The following ZNF407 variants were observed in gnomAD, a reference collection of about 807,000 sequenced individuals.
ZNF407 encodes zinc finger protein 407.
Under a neutral mutation model 131.2 loss-of-function variants are expected in ZNF407, and 17 were observed. That is an observed-to-expected ratio of 0.13 (90% CI 0.09 to 0.19). ZNF407 has a LOEUF of 0.19. ZNF407 is among the 10% of genes least tolerant of loss of function. The pLI is 1.00. For synonymous variants in ZNF407, 1,156 were observed against 1,062.0 expected, an observed-to-expected ratio of 1.09 and a Z score of -1.72; for missense variants, 2,681 against 2,830.6, an observed-to-expected ratio of 0.95 and a Z score of 1.20.
rs60316707 is a variant in ZNF407 at position 74,949,178 on chromosome 18, A to T, written c.5428+28486A>T. 1.0e-2 allele frequency among the ~76,000 whole-genome samples: 1,522 copies of T among 152,360 alleles called. 25 individuals carry two copies. Among genetic ancestry groups the T allele is most frequent in the African/African-American group, 0.034 (1,416 of 41,584 alleles). On this transcript the variant is annotated intron_variant, in intron 8 of 8. Transcript: ENST00000299687. ...AGGTACATTTCTTTCTGACAAACACACATTTGAAATAAATATTTATAATGA... is the reference window on the plus strand; with the variant it reads ...AGGTACATTTCTTTCTGACAAACACTCATTTGAAATAAATATTTATAATGA...
intron 8 of ZNF407, among the ~76,000 whole-genome samples, chr18:74,928,441 G>T (rs983702193): frequency 6.6e-6 from 1 of 152,144 alleles, no homozygotes; most frequent in Admixed American, 6.5e-5. Flanking sequence ...GACCTTAAAA[G>T]GTGTCAGACT....
At position 75,036,190 on chromosome 18, in the gene ZNF407, C is replaced by CT. The variant is rs1198609219; in HGVS notation, c.5429-26959dup. ...ATACTGAGAGTTCTGAAAACCCATT[C>CT]TAAGTTTTAGCAAGAGCTTTTCAAC... is the stretch of plus-strand genomic sequence containing the variant. On this transcript the variant is annotated intron_variant, in intron 8 of 8. Coordinates refer to ENST00000299687, the MANE Select transcript of ZNF407 (RefSeq NM_017757.3). Among the ~76,000 whole-genome samples, 3 of 152,150 alleles carry CT rather than the reference C, an allele frequency of 2.0e-5. No homozygotes were observed. The East Asian group carries it at 5.8e-4, about 29-fold the overall frequency.
chr18:74,921,122 G>A (rs1568270440), intron 8 of ZNF407: 2 of 641,414 alleles, frequency 3.1e-6, no homozygotes, highest in Non-Finnish European at 3.9e-6. Flanking sequence ...TGTGACCTGC[G>A]ACCACGACCA....
intron 3 of ZNF407, among the ~76,000 whole-genome samples, chr18:74,660,044 T>C (rs1164238884): frequency 6.6e-6 from 1 of 152,244 alleles, no homozygotes; most frequent in East Asian, 1.9e-4. Flanking sequence ...ATTACTGTCA[T>C]CAAAATCATA....
At chr18:74,932,861 T>C (rs1246042567) in intron 8 of ZNF407, among the ~76,000 whole-genome samples, 1 of 152,186 alleles carries the variant, frequency 6.6e-6, no homozygotes, top group Admixed American at 6.5e-5. Flanking sequence ...TCATACCTAT[T>C]CAGATGCCTC....
chr18:74,806,002 C>T (rs1970103579), intron 4 of ZNF407, among the ~76,000 whole-genome samples: 1 of 152,150 alleles, frequency 6.6e-6, no homozygotes, highest in African/African-American at 2.4e-5. Flanking sequence ...AGTGATGTAA[C>T]TCTTTTTGTT....
chr18:75,022,066 A>G lies in ZNF407; in HGVS notation c.5429-41084A>G, dbSNP rs556687242. ...TCATAAAATAGAAAATAGAAATTTT[A>G]TAAACAAATGTCTGGAAAGGTATTT... On this transcript the variant is annotated intron_variant, in intron 8 of 8. Transcript: ENST00000299687. Among the ~76,000 whole-genome samples the G allele has an allele frequency of 8.5e-5, 13 of 152,284 alleles. No homozygotes were observed. In the East Asian group the frequency reaches 2.1e-3, roughly 25 times the overall value.
intron 3 of ZNF407, among the ~76,000 whole-genome samples, chr18:74,745,971 A>G (rs1025073791): frequency 6.6e-6 from 1 of 152,096 alleles, no homozygotes; most frequent in African/African-American, 2.4e-5. Flanking sequence ...CTGATAAATG[A>G]TGGGGATATG....
At chr18:74,657,719 C>T (rs1297830356) in intron 3 of ZNF407, among the ~76,000 whole-genome samples, 1 of 152,158 alleles carries the variant, frequency 6.6e-6, no homozygotes, top group Non-Finnish European at 1.5e-5. Flanking sequence ...CCCACTGCAG[C>T]AGCAGTGTTT....
At position 74,941,205 on chromosome 18, in the gene ZNF407, G is replaced by A. The variant is rs1029408542; in HGVS notation, c.5428+20513G>A. ...TCCAGTGGTTTCTGTAATGTACTTAGCAATAACAAAGGACTTTCACTGATC... is the reference window on the plus strand; with the variant it reads ...TCCAGTGGTTTCTGTAATGTACTTAACAATAACAAAGGACTTTCACTGATC... On this transcript the variant is annotated intron_variant, in intron 8 of 8. Transcript: ENST00000299687. Among the ~76,000 whole-genome samples, 4 of 152,288 alleles carry A rather than the reference G, an allele frequency of 2.6e-5. No individual in the cohort carries two copies. The South Asian group carries it at 8.3e-4, about 32-fold the overall frequency.
In ZNF407 at chr18:74,632,721, T is replaced by G; in HGVS notation, c.1702T>G (p.Ser568Ala). The change falls in exon 2 of 9, where the codon TCA (serine) becomes GCA (alanine). Residue 568 changes from serine (S) to alanine (A), a missense_variant. Ser to Ala is a moderately conservative substitution (Grantham distance 99). Coordinates refer to ENST00000299687, the MANE Select transcript of ZNF407 (RefSeq NM_017757.3). ...CCGTACTTGTGACTTCTCTAGTATG[T>G]CAAGAAGGGACTTAGATGAACATTT... ...YCRTCDFSSMSRRDLDEHLHS... is the reference protein window; with the variant it reads ...YCRTCDFSSMARRDLDEHLHS... 6.2e-7 allele frequency: 1 copy of G among 1,613,992 alleles called. No individual in the cohort carries two copies. Among genetic ancestry groups the G allele is most frequent in the Non-Finnish European group, 8.5e-7 (1 of 1,179,888 alleles).
chr18:75,027,093 G>A (rs1267527771), intron 8 of ZNF407, among the ~76,000 whole-genome samples: 1 of 152,226 alleles, frequency 6.6e-6, no homozygotes, highest in East Asian at 1.9e-4. Context: ...GGATTGTATT[G>A]TACCTTCATT....
In ZNF407 at chr18:74,632,218, A is replaced by T; in HGVS notation, c.1199A>T (p.Asn400Ile). 1 of 1,613,976 alleles carries T rather than the reference A, an allele frequency of 6.2e-7. No individual in the cohort carries two copies. Residue 400 changes from asparagine (N) to isoleucine (I), a missense_variant, in exon 2 of 9, where the codon AAT (asparagine) becomes ATT (isoleucine). Transcript: ENST00000299687. ...TTAGAGAAATTGGAATCTACAAAAA[A>T]TACCCTTCAGGCAGCACACGGTAAC... ...GLLEKLESTKNTLQAAHGNSV... is the reference protein window; with the variant it reads ...GLLEKLESTKITLQAAHGNSV...
At chr18:74,749,515 C>T (rs1226169377) in intron 3 of ZNF407, among the ~76,000 whole-genome samples, 2 of 151,972 alleles carry the variant, frequency 1.3e-5, no homozygotes, top group Non-Finnish European at 2.9e-5. Context: ...ACTGAGATAC[C>T]GTTTTTTAAG....
chr18:74,630,927 T>G, intron 1 of ZNF407, 40 bp from the exon 2 acceptor site: 1 of 1,418,602 alleles, frequency 7.0e-7, no homozygotes, highest in Non-Finnish European at 9.3e-7. Context: ...ACGTGTGTCT[T>G]TATATTCAAG....
At chr18:74,653,862 GA>G (rs762110767) in intron 3 of ZNF407, among the ~76,000 whole-genome samples, 2 of 151,498 alleles carry the variant, frequency 1.3e-5, no homozygotes, top group African/African-American at 2.4e-5. Flanking sequence ...CTATTTTTTA[GA>G]AAAAAATGAA....
At position 74,684,399 on chromosome 18, in the gene ZNF407, A is replaced by G. The variant is rs564152653; in HGVS notation, c.4802+43277A>G. On this transcript the variant is annotated intron_variant, in intron 3 of 8. Coordinates refer to ENST00000299687, the MANE Select transcript of ZNF407 (RefSeq NM_017757.3). ...AATATAACATCTTTCTATGAATCCT[A>G]TTGACTAATTCTTAGAATATATATT... Among the ~76,000 whole-genome samples the G allele has an allele frequency of 2.6e-5, 4 of 152,306 alleles. No individual in the cohort carries two copies. In the East Asian group the frequency reaches 7.7e-4, roughly 29 times the overall value.
intron 3 of ZNF407, among the ~76,000 whole-genome samples, chr18:74,647,625 G>A (rs866709728): frequency 1.2e-4 from 19 of 152,146 alleles, no homozygotes; most frequent in Middle Eastern, 3.4e-3. Flanking sequence ...TACTTTTGCT[G>A]TTTCTTTTCA....
At chr18:74,852,675 G>A (rs1197521969) in intron 4 of ZNF407, among the ~76,000 whole-genome samples, 1 of 152,076 alleles carries the variant, frequency 6.6e-6, no homozygotes, top group African/African-American at 2.4e-5. Flanking sequence ...TTCAACAGAA[G>A]GGGGCAAAAG....
Sources: gnomAD v4.1 joint callset for allele counts (sites outside exome capture counted in the v4.1 genomes callset) on GRCh38, gnomAD v4.1.1 for gene constraint, MANE v1.5 for transcripts, NCBI Gene and HGNC (gene_info 2026-07-23, HGNC 2026-07-21) for gene names.